The following TMOD1 variants were observed in gnomAD, a reference collection of about 807,000 sequenced individuals.
TMOD1 encodes the protein tropomodulin-1.
Under a neutral mutation model 40.6 loss-of-function variants are expected in TMOD1, and 17 were observed. The ratio of observed to expected loss-of-function variants is 0.42; its 90% confidence interval spans 0.29 to 0.63. The LOEUF is 0.63. Among genes scored for constraint, TMOD1 ranks in the 20% least tolerant of loss-of-function variants. TMOD1 has a pLI of 0.22. For synonymous variants in TMOD1, 181 were observed against 175.0 expected, an observed-to-expected ratio of 1.03 and a Z score of -0.27; for missense variants, 391 against 447.6, an observed-to-expected ratio of 0.87 and a Z score of 1.14.
At chr9:97,542,414 C>T (rs1421606373) in intron 2 of TMOD1, among the ~76,000 whole-genome samples, 2 of 152,050 alleles carry the variant, frequency 1.3e-5, no homozygotes, top group Non-Finnish European at 2.9e-5. Context: ...TCAATAAAGA[C>T]TTGAATAAAT....
At chr9:97,572,904 T>TG (rs1830843825) in intron 8 of TMOD1, among the ~76,000 whole-genome samples, 6 of 152,164 alleles carry the variant, frequency 3.9e-5, no homozygotes, top group Non-Finnish European at 8.8e-5. Context: ...TGTTGCCACC[T>TG]GTGGTTGCGC....
intron 8 of TMOD1, among the ~76,000 whole-genome samples, chr9:97,581,723 A>G (rs560865404): frequency 1.3e-4 from 19 of 151,790 alleles, no homozygotes; most frequent in African/African-American, 4.1e-4. Flanking sequence ...TGTGGTTTTG[A>G]TTTGCATTTC....
chr9:97,556,578 G>T (rs973110338), intron 4 of TMOD1, among the ~76,000 whole-genome samples: 1 of 152,192 alleles, frequency 6.6e-6, no homozygotes, highest in Non-Finnish European at 1.5e-5. Flanking sequence ...GCTCTGGCTT[G>T]CTCACTCACA....
At chr9:97,575,200 C>T (rs549689391) in intron 8 of TMOD1, among the ~76,000 whole-genome samples, 74 of 151,910 alleles carry the variant, frequency 4.9e-4, no homozygotes, top group Admixed American at 9.2e-4. Flanking sequence ...ATCGAGACCA[C>T]GAACCCACTG....
intron 9 of TMOD1, among the ~76,000 whole-genome samples, chr9:97,594,960 G>A (rs1826076760): frequency 6.6e-6 from 1 of 152,184 alleles, no homozygotes; most frequent in Non-Finnish European, 1.5e-5. Flanking sequence ...GGTATCGTGT[G>A]GAGGGAGAGT....
At chr9:97,539,384 C>T (rs1396950840) in intron 2 of TMOD1, among the ~76,000 whole-genome samples, 1 of 152,044 alleles carries the variant, frequency 6.6e-6, no homozygotes, top group Non-Finnish European at 1.5e-5. Context: ...AGCTCTATGG[C>T]GATATTTTCA....
intron 2 of TMOD1, among the ~76,000 whole-genome samples, chr9:97,545,396 A>G (rs1037583505): frequency 6.6e-5 from 10 of 152,190 alleles, no homozygotes; most frequent in Admixed American, 2.6e-4. Context: ...AATCCCCCCA[A>G]TAGGAATCTG....
chr9:97,578,664 A>G (rs957736891), intron 8 of TMOD1, among the ~76,000 whole-genome samples: 1 of 152,198 alleles, frequency 6.6e-6, no homozygotes, highest in Non-Finnish European at 1.5e-5. Flanking sequence ...ACATGGATTC[A>G]GTATACTCAT....
intron 7 of TMOD1, among the ~76,000 whole-genome samples, chr9:97,566,874 A>C (rs1830737503): frequency 6.6e-6 from 1 of 152,106 alleles, no homozygotes; most frequent in Non-Finnish European, 1.5e-5. Context: ...CCAACGCTGA[A>C]TTAGGTTCTG....
intron 8 of TMOD1, among the ~76,000 whole-genome samples, chr9:97,582,740 G>C (rs1246739317): frequency 2.7e-5 from 3 of 113,146 alleles, no homozygotes; most frequent in African/African-American, 1.1e-4. Context: ...GGATTCCTAG[G>C]TATTTTATTC....
intron 8 of TMOD1, among the ~76,000 whole-genome samples, chr9:97,573,038 A>G (rs1197563884): frequency 6.6e-6 from 1 of 152,254 alleles, no homozygotes; most frequent in East Asian, 1.9e-4. Context: ...GGATGGGACT[A>G]GCCTGAGGCC....
At chr9:97,521,620 G>C (rs753791099) in intron 1 of TMOD1, among the ~76,000 whole-genome samples, 4 of 152,200 alleles carry the variant, frequency 2.6e-5, no homozygotes, top group Non-Finnish European at 5.9e-5. Flanking sequence ...GGAAGTAATA[G>C]AAATGGATCA....
chr9:97,540,024 G>A (rs890881198), intron 2 of TMOD1, among the ~76,000 whole-genome samples: 5 of 150,468 alleles, frequency 3.3e-5, no homozygotes, highest in Admixed American at 6.6e-5. Flanking sequence ...ACAAAAATGC[G>A]CCATTCATTG....
chr9:97,533,578 C>T (rs1365427772), intron 2 of TMOD1, among the ~76,000 whole-genome samples: 1 of 152,234 alleles, frequency 6.6e-6, no homozygotes, highest in Non-Finnish European at 1.5e-5. Context: ...AATGCAGTGT[C>T]TGTTCAGTTG....
Position 97,564,034 on chromosome 9 carries a change from C to G in TMOD1, c.488-4C>G. The G allele has an allele frequency of 6.2e-7, 1 of 1,613,826 alleles. No individual in the cohort carries two copies. The highest frequency in any genetic ancestry group is 1.3e-5 in the African/African-American group (1 of 75,002). On this transcript the variant is annotated splice_polypyrimidine_tract_variant and splice_region_variant and intron_variant, in intron 5 of 9. Coordinates refer to ENST00000259365, the MANE Select transcript of TMOD1 (RefSeq NM_003275.4). ...AGCCACCTCCCTTTCATCGGTCACT[C>G]TAGGCGTGATTAAACCCACACAATA...
At position 97,600,915 on chromosome 9, in the gene TMOD1, T is replaced by C; in HGVS notation, c.*1217T>C. On this transcript the variant is annotated 3_prime_UTR_variant, in exon 10 of 10. Coordinates refer to ENST00000259365, the MANE Select transcript of TMOD1 (RefSeq NM_003275.4). ...ACAGTGCCAGTTAAACTAATATTTT[T>C]GTTTGTTGCTTTTGGGAGTTATTTT... The C allele has an allele frequency of 8.6e-7, 1 of 1,157,406 alleles. No homozygotes were observed. The highest frequency in any genetic ancestry group is 1.1e-6 in the Non-Finnish European group (1 of 918,468). 71.7% of individuals were successfully genotyped at this position (1,157,406 alleles called of 1,614,324 possible). A position where few individuals can be genotyped will look rare whatever the true frequency, so the allele number is the denominator to read the frequency against.
In TMOD1 at chr9:97,502,136, C is replaced by T. The variant is rs1289753196; in HGVS notation, c.-49+333C>T. Among the ~76,000 whole-genome samples, 1 of 151,970 alleles carries T rather than the reference C, an allele frequency of 6.6e-6. No homozygotes were observed. Among genetic ancestry groups the T allele is most frequent in the Non-Finnish European group, 1.5e-5 (1 of 67,950 alleles). ...AGGAGACGGCGCCCCGGGCTGGGGT[C>T]CTGGCGGAGGGGCGCCCCCGCCACC... On this transcript the variant is annotated intron_variant, in intron 1 of 9. Coordinates refer to ENST00000259365, the MANE Select transcript of TMOD1 (RefSeq NM_003275.4). This position sits in a 1 kb window ranked among gnomAD's most constrained non-coding sequence, Gnocchi z 6.1.
chr9:97,586,772 G>A (rs1563999420), intron 8 of TMOD1, among the ~76,000 whole-genome samples: 1 of 152,190 alleles, frequency 6.6e-6, no homozygotes. Context: ...GATTTTCCAG[G>A]TGCCGTCCGT....
rs1241953600 is a variant in TMOD1, at chr9:97,564,035, TAGG to T, written c.488-2_488del. On this transcript the variant is annotated splice_acceptor_variant and coding_sequence_variant, in exon 6 of 10. Transcript: ENST00000259365. LOFTEE classifies it high-confidence loss of function. ...GCCACCTCCCTTTCATCGGTCACTC[TAGG>T]CGTGATTAAACCCACACAATACAAG... 6.2e-7 allele frequency: 1 copy of T among 1,613,958 alleles called. No individual in the cohort carries two copies. The highest frequency in any genetic ancestry group is 8.5e-7 in the Non-Finnish European group (1 of 1,179,968).
Sources: allele counts gnomAD v4.1 joint callset (sites outside exome capture counted in the v4.1 genomes callset), GRCh38; gene constraint gnomAD v4.1.1; non-coding constraint Gnocchi (gnomAD v3.1); transcripts MANE v1.5; gene names NCBI Gene and HGNC (gene_info 2026-07-23, HGNC 2026-07-21).